Variants in LAMA2 observed in about 807,000 individuals in gnomAD.
LAMA2 encodes laminin subunit alpha 2.
Under a neutral mutation model 364.8 loss-of-function variants are expected in LAMA2, and 269 were observed. The ratio of observed to expected loss-of-function variants is 0.74; its 90% CI spans 0.67 to 0.82. The LOEUF (loss-of-function observed/expected upper bound fraction) is 0.82, where lower values mean the gene tolerates loss of function less well. Among genes scored for constraint, LAMA2 ranks in the 40% least tolerant of loss-of-function variants. The probability of loss-of-function intolerance (pLI) is 0.00; values close to 1 mark genes in which losing one functional copy is unlikely to be tolerated. For synonymous variants in LAMA2, 1,379 were observed against 1,370.6 expected (o/e 1.01, Z -0.14); for missense variants, 3,807 against 3,873.2 (o/e 0.98, Z 0.45).
chr6:128,955,439 T>C (rs997973431), intron 1 of LAMA2, among the ~76,000 whole-genome samples: 3 of 151,940 alleles, frequency 2.0e-5, no homozygotes, highest in Non-Finnish European at 4.4e-5. Context: ...TACATGGCCA[T>C]TGGAAATGAA....
At chr6:128,904,331 A>G (rs1038201233) in intron 1 of LAMA2, among the ~76,000 whole-genome samples, 1 of 151,998 alleles carries the variant, frequency 6.6e-6, no homozygotes, top group Non-Finnish European at 1.5e-5. Flanking sequence ...CAGTTTTAAT[A>G]AGCATTTTTA....
At chr6:128,995,945 T>C (rs1220674393) in intron 1 of LAMA2, among the ~76,000 whole-genome samples, 1 of 152,174 alleles carries the variant, frequency 6.6e-6, no homozygotes, top group African/African-American at 2.4e-5. Flanking sequence ...CTCTTTTACT[T>C]CCTTTTTATT....
rs1467928017 is a variant in LAMA2, at chr6:129,503,234, C to G, written c.8501C>G (p.Thr2834Ser). Reference protein sequence around the residue: ...YFSYDLGSGDTHTMIPTKIND... With the variant: ...YFSYDLGSGDSHTMIPTKIND... ...AGCTATGACTTGGGGAGTGGGGACA[C>G]CCACACCATGATCCCCACCAAAATC... Residue 2834 changes from threonine to serine, a missense_variant, in exon 60 of 65, where the codon ACC becomes AGC. By Grantham distance (58) the Thr-to-Ser change is moderately conservative. Around this residue, in one of 3 missense-constraint regions of LAMA2, gnomAD observed 3,333 missense variants for 3,345.7 expected, o/e 1.00. Coordinates refer to ENST00000421865, the MANE Select transcript of LAMA2 (RefSeq NM_000426.4). 3 of 1,614,050 alleles carry G rather than the reference C, an allele frequency of 1.9e-6. No homozygotes were observed. The Admixed American group carries it at 5.0e-5, about 27-fold the overall frequency.
intron 27 of LAMA2, among the ~76,000 whole-genome samples, chr6:129,316,705 G>A (rs899707753): frequency 3.3e-5 from 5 of 152,126 alleles, no homozygotes; most frequent in African/African-American, 9.7e-5. Flanking sequence ...CAATGTTGTC[G>A]AACCTACATG....
chr6:128,934,297 T>G (rs1779679886), intron 1 of LAMA2, among the ~76,000 whole-genome samples: 1 of 152,192 alleles, frequency 6.6e-6, no homozygotes, highest in Admixed American at 6.6e-5. Context: ...TCTATATGTC[T>G]GTTTTTATAG....
At chr6:129,315,419 T>G in intron 24 of LAMA2, 57 bp from the exon 25 acceptor site, 1 of 1,505,974 alleles carries the variant, frequency 6.6e-7, no homozygotes, top group Non-Finnish European at 9.2e-7. Context: ...TAACTTAGTT[T>G]TAAAGAAATG....
rs115757012 is a variant in LAMA2, at chr6:129,400,889, C to A, written c.5446-335C>A. ...AGATTCTAGAATTCAATATGTAGTA[C>A]CAATATAACTATTCAGCACTTATAT... is the stretch of plus-strand genomic sequence containing the variant. On this transcript the variant is annotated intron_variant, in intron 37 of 64. Coordinates refer to ENST00000421865, the MANE Select transcript of LAMA2 (RefSeq NM_000426.4). 6.1e-3 allele frequency among the ~76,000 whole-genome samples: 926 copies of A among 152,324 alleles called. 7 individuals carry two copies. The highest frequency in any genetic ancestry group is 0.022 in the African/African-American group (897 of 41,574).
intron 9 of LAMA2, among the ~76,000 whole-genome samples, chr6:129,167,452 T>A (rs895921083): frequency 6.6e-6 from 1 of 151,858 alleles, no homozygotes. Flanking sequence ...GAGAATGATG[T>A]TTTCCAATTT....
intron 1 of LAMA2, among the ~76,000 whole-genome samples, chr6:128,957,373 T>G (rs1003631008): frequency 1.3e-5 from 2 of 152,188 alleles, no homozygotes; most frequent in African/African-American, 2.4e-5. Context: ...TCAGTTGGGG[T>G]TTGATATGGT....
chr6:129,157,486 C>G (rs1363448497), intron 8 of LAMA2: 1 of 1,609,640 alleles, frequency 6.2e-7, no homozygotes, highest in African/African-American at 1.3e-5. Flanking sequence ...AAAAACAGTT[C>G]TTGCAGTCTA....
intron 34 of LAMA2, among the ~76,000 whole-genome samples, chr6:129,376,207 G>A (rs1486769207): frequency 6.6e-6 from 1 of 152,038 alleles, no homozygotes; most frequent in South Asian, 2.1e-4. Context: ...GGACCCCTAC[G>A]GATTGAGGGT....
At chr6:129,210,395 T>A (rs1195279608) in intron 12 of LAMA2, among the ~76,000 whole-genome samples, 1 of 125,604 alleles carries the variant, frequency 8.0e-6, no homozygotes, top group African/African-American at 4.4e-5. Context: ...GAACCACGCA[T>A]GTGCACGCAC....
Position 129,099,129 on chromosome 6 carries a change from T to TG in LAMA2, c.639+714_639+715insG, listed in dbSNP as rs970865998. On this transcript the variant is annotated intron_variant, in intron 4 of 64. Coordinates refer to ENST00000421865, the MANE Select transcript of LAMA2 (RefSeq NM_000426.4). ...GGGCGGGGAGGTTTTTTTTTTGTTT[T>TG]TTTTTTTTTTGTTTTCTGGCTTAGT... 8.7e-5 allele frequency among the ~76,000 whole-genome samples: 13 copies of TG among 149,216 alleles called. 1 individual carries two copies. The highest frequency in any genetic ancestry group is 7.8e-4 in the East Asian group (4 of 5,104).
chr6:129,181,482 G>A (rs2115021215), intron 10 of LAMA2, among the ~76,000 whole-genome samples: 1 of 151,850 alleles, frequency 6.6e-6, no homozygotes, highest in South Asian at 2.1e-4. Flanking sequence ...ATATAAAATA[G>A]ACGCTATATT....
In LAMA2 at chr6:128,962,185, T is replaced by TATATATATATATATAC. The variant is rs1214826895; in HGVS notation, c.112+78829_112+78830insTATATATATATATACA. On this transcript the variant is annotated intron_variant, in intron 1 of 64. Coordinates refer to ENST00000421865, the MANE Select transcript of LAMA2 (RefSeq NM_000426.4). Reference sequence around the variant, plus strand: ...ATATATATATATATATATATATATATACACACATACACACACACATACACA... The same window carrying TATATATATATATATAC: ...ATATATATATATATATATATATATATATATATATATATATACACACACATACACACACACATACACA... 1.4e-3 allele frequency among the ~76,000 whole-genome samples: 144 copies of TATATATATATATATAC among 103,916 alleles called. 10 individuals are homozygous for TATATATATATATATAC. The highest frequency in any genetic ancestry group is 2.1e-3 in the Non-Finnish European group (103 of 50,022). 68.2% of individuals were successfully genotyped at this position (103,916 alleles called of 152,430 possible). A position where few individuals can be genotyped will look rare whatever the true frequency, so the allele number is the denominator to read the frequency against.
rs111926230 is a variant in LAMA2 at position 129,102,293 on chromosome 6, T to C, written c.639+3878T>C. 5.6e-3 allele frequency among the ~76,000 whole-genome samples: 856 copies of C among 151,878 alleles called. 10 individuals are homozygous for C. The highest frequency in any genetic ancestry group is 0.02 in the African/African-American group (823 of 41,462). On this transcript the variant is annotated intron_variant, in intron 4 of 64. Coordinates refer to ENST00000421865, the MANE Select transcript of LAMA2 (RefSeq NM_000426.4). ...CTGGGATTACAGGCGCGTGCCACCA[T>C]GTCCACTTGATTTTTGTGTTTTCAG...
intron 1 of LAMA2, among the ~76,000 whole-genome samples, chr6:128,947,152 C>T (rs1232332766): frequency 1.3e-5 from 2 of 152,032 alleles, no homozygotes; most frequent in Non-Finnish European, 1.5e-5. Flanking sequence ...AAATGGTATG[C>T]CAGGGGTGAG....
At chr6:129,305,332 T>C (rs1773797607) in intron 22 of LAMA2, among the ~76,000 whole-genome samples, 1 of 151,888 alleles carries the variant, frequency 6.6e-6, no homozygotes, top group Admixed American at 6.6e-5. Context: ...TGCCTTTTTT[T>C]TTTTTATTCT....
chr6:128,894,179 T>C (rs961841788), intron 1 of LAMA2, among the ~76,000 whole-genome samples: 1 of 152,312 alleles, frequency 6.6e-6, no homozygotes, highest in African/African-American at 2.4e-5. Context: ...TCTACGGATC[T>C]ATCTTACACC....
Sources: allele counts gnomAD v4.1 joint callset (sites outside exome capture counted in the v4.1 genomes callset), GRCh38; gene constraint gnomAD v4.1.1; regional missense constraint gnomAD v4.1.1; transcripts MANE v1.5; gene names NCBI Gene and HGNC (gene_info 2026-07-23, HGNC 2026-07-21).